Variants in AHCYL2 observed in about 807,000 individuals in gnomAD.
AHCYL2 encodes the protein S-adenosylhomocysteine hydrolase-like protein 2.
Under a neutral mutation model 81.4 loss-of-function variants are expected in AHCYL2, and 28 were observed. The observed-to-expected ratio is 0.34, with a 90% CI of 0.25 to 0.47. AHCYL2 has a LOEUF of 0.47. AHCYL2 is among the 20% of genes least tolerant of loss of function. The probability of loss-of-function intolerance (pLI) is 1.00; values close to 1 mark genes in which losing one functional copy is unlikely to be tolerated. For missense variants in AHCYL2, 551 were observed against 785.1 expected (o/e 0.70, Z 3.56); for synonymous variants, 272 against 290.2 (o/e 0.94, Z 0.64).
chr7:129,373,046 C>A (rs770629255), intron 1 of AHCYL2, among the ~76,000 whole-genome samples: 1 of 151,960 alleles, frequency 6.6e-6, no homozygotes, highest in African/African-American at 2.4e-5. Context: ...CAGCGTCTCC[C>A]GGGGAGTTAC....
At chr7:129,280,178 CT>C (rs59849233) in intron 1 of AHCYL2, among the ~76,000 whole-genome samples, 3 of 112,558 alleles carry the variant, frequency 2.7e-5, no homozygotes, top group African/African-American at 9.4e-5. Flanking sequence ...TTGCTAAATA[CT>C]TTTTTTTTTT....
chr7:129,231,698 T>A (rs778640934), intron 1 of AHCYL2, among the ~76,000 whole-genome samples: 1 of 152,150 alleles, frequency 6.6e-6, no homozygotes, highest in Non-Finnish European at 1.5e-5. Context: ...TCTATGGAAT[T>A]TGTAGGAGCT....
At chr7:129,340,692 C>G in intron 1 of AHCYL2, among the ~76,000 whole-genome samples, 1 of 107,334 alleles carries the variant, frequency 9.3e-6, no homozygotes, top group Non-Finnish European at 2.0e-5. Flanking sequence ...TTTCTAAGAA[C>G]TGCTTTTACC....
At chr7:129,292,055 C>T (rs1288805693) in intron 1 of AHCYL2, among the ~76,000 whole-genome samples, 1 of 151,936 alleles carries the variant, frequency 6.6e-6, no homozygotes, top group East Asian at 1.9e-4. Context: ...GAATTAAGTT[C>T]CTATTATTAC....
At chr7:129,287,331 T>C (rs1796673260) in intron 1 of AHCYL2, among the ~76,000 whole-genome samples, 1 of 152,222 alleles carries the variant, frequency 6.6e-6, no homozygotes, top group Non-Finnish European at 1.5e-5. Context: ...TGTTTATGTG[T>C]GAGAAAAGAG....
intron 1 of AHCYL2, among the ~76,000 whole-genome samples, chr7:129,292,311 G>A (rs754927467): frequency 4.5e-4 from 68 of 152,306 alleles, no homozygotes; most frequent in Non-Finnish European, 7.9e-4. Flanking sequence ...CGTGGATAAA[G>A]ATAAAATAAG....
chr7:129,346,703 G>A (rs1793374723), intron 1 of AHCYL2, among the ~76,000 whole-genome samples: 1 of 152,124 alleles, frequency 6.6e-6, no homozygotes, highest in Non-Finnish European at 1.5e-5. Flanking sequence ...ATATTATACA[G>A]CTACTTAAAG....
intron 1 of AHCYL2, among the ~76,000 whole-genome samples, chr7:129,232,477 T>A (rs1308257336): frequency 3.3e-5 from 5 of 152,176 alleles, no homozygotes; most frequent in African/African-American, 9.7e-5. Context: ...TAAGACCACT[T>A]TGGATCTCAC....
intron 1 of AHCYL2, among the ~76,000 whole-genome samples, chr7:129,312,882 T>C (rs1401092844): frequency 6.6e-6 from 1 of 152,148 alleles, no homozygotes. Flanking sequence ...AGGTTTTCTG[T>C]TTCTAAACTT....
chr7:129,345,904 C>T (rs1047307157), intron 1 of AHCYL2, among the ~76,000 whole-genome samples: 5 of 151,968 alleles, frequency 3.3e-5, no homozygotes, highest in Non-Finnish European at 5.9e-5. Context: ...ATGATGAGTT[C>T]AGTTTTGGAC....
At chr7:129,397,102 G>C (rs1795782011) in intron 4 of AHCYL2, 120 bp from the exon 5 acceptor site, 1 of 822,008 alleles carries the variant, frequency 1.2e-6, no homozygotes, top group African/African-American at 1.7e-5. Flanking sequence ...AGCCCAATTT[G>C]AAAATCACTG....
In AHCYL2 at chr7:129,428,979, C is replaced by T. The variant is rs959300543; in HGVS notation, c.*1934C>T. On this transcript the variant is annotated 3_prime_UTR_variant, in exon 17 of 17. Coordinates refer to ENST00000325006, the MANE Select transcript of AHCYL2 (RefSeq NM_015328.4). ...TTAGCAAGGGATTCAGATCTTTGTA[C>T]CTTATCTTATATCCAGAGCAGATTC... 1 of 152,144 alleles carries T rather than the reference C, an allele frequency of 6.6e-6. No individual in the cohort carries two copies. Among genetic ancestry groups the T allele is most frequent in the Non-Finnish European group, 1.5e-5 (1 of 68,028 alleles). 9.4% of individuals were successfully genotyped at this position (152,144 alleles called of 1,614,324 possible).
chr7:129,261,557 G>A (rs961515854), intron 1 of AHCYL2, among the ~76,000 whole-genome samples: 3 of 152,122 alleles, frequency 2.0e-5, no homozygotes, highest in African/African-American at 7.2e-5. Context: ...AAAGTAAAAT[G>A]AGGTTAGCAT....
intron 1 of AHCYL2, among the ~76,000 whole-genome samples, chr7:129,302,696 C>G (rs1303575741): frequency 6.6e-6 from 1 of 152,076 alleles, no homozygotes; most frequent in African/African-American, 2.4e-5. Context: ...ATCCTTATAT[C>G]CTTGGGATAC....
At chr7:129,269,339 G>T (rs1453049644) in intron 1 of AHCYL2, among the ~76,000 whole-genome samples, 1 of 151,548 alleles carries the variant, frequency 6.6e-6, no homozygotes, top group Non-Finnish European at 1.5e-5. Flanking sequence ...AGGTTGGAGT[G>T]CAGTGGCACA....
chr7:129,376,315 G>A (rs954650221), intron 1 of AHCYL2, among the ~76,000 whole-genome samples: 13 of 152,164 alleles, frequency 8.5e-5, no homozygotes, highest in Middle Eastern at 3.2e-3. Context: ...TGTTCTGGTC[G>A]TCAGAGAAAG....
chr7:129,288,990 C>T (rs1165930629), intron 1 of AHCYL2, among the ~76,000 whole-genome samples: 1 of 152,128 alleles, frequency 6.6e-6, no homozygotes, highest in East Asian at 1.9e-4. Flanking sequence ...CCGTGTTGCC[C>T]AGGCTGGTCC....
chr7:129,270,903 T>G (rs1369998406), intron 1 of AHCYL2, among the ~76,000 whole-genome samples: 1 of 152,196 alleles, frequency 6.6e-6, no homozygotes, highest in Non-Finnish European at 1.5e-5. Context: ...AGAATGTTCC[T>G]CTTTTTCTGC....
At chr7:129,298,290 A>G (rs1797124078) in intron 1 of AHCYL2, among the ~76,000 whole-genome samples, 1 of 152,214 alleles carries the variant, frequency 6.6e-6, no homozygotes, top group South Asian at 2.1e-4. Context: ...TTTAGGAAAT[A>G]CAAGGTAGCC....
Sources: allele counts gnomAD v4.1 joint callset (sites outside exome capture counted in the v4.1 genomes callset), GRCh38; gene constraint gnomAD v4.1.1; transcripts MANE v1.5; gene names NCBI Gene and HGNC (gene_info 2026-07-23, HGNC 2026-07-21).